The following SLC37A3 variants were observed in gnomAD, a reference collection of about 807,000 sequenced individuals.
The protein encoded by SLC37A3 is solute carrier family 37 member 3.
Under a neutral mutation model 67.1 loss-of-function variants are expected in SLC37A3, and 51 were observed. That is an observed-to-expected ratio of 0.76 (90% CI 0.61 to 0.96). The LOEUF (loss-of-function observed/expected upper bound fraction) is 0.96. Ranked by LOEUF, SLC37A3 falls within the 40% of genes least tolerant of loss-of-function variation. SLC37A3 has a pLI of 0.00. For synonymous variants in SLC37A3, 214 were observed against 231.4 expected (o/e 0.92, Z 0.68); for missense variants, 508 against 603.0 (o/e 0.84, Z 1.65).
chr7:140,351,754 A>C (rs1796812504), intron 8 of SLC37A3: 2 of 558,428 alleles, frequency 3.6e-6, no homozygotes, highest in Non-Finnish European at 6.4e-6. Flanking sequence ...GAAATGTTTC[A>C]AGAAGTGAAA....
chr7:140,351,266 T>A lies in SLC37A3; in HGVS notation c.882+7A>T. The A allele has an allele frequency of 6.2e-7, 1 of 1,613,086 alleles. No homozygotes were observed. Among genetic ancestry groups the A allele is most frequent in the Non-Finnish European group, 8.5e-7 (1 of 1,179,338 alleles). ...CCTGGCTGTGGTAAGATGTAAGCGG[T>A]CCTTACCGGTATGACTCCAGGAAGG... On this transcript the variant is annotated splice_region_variant and intron_variant, in intron 9 of 14. Coordinates refer to ENST00000326232, the MANE Select transcript of SLC37A3 (RefSeq NM_207113.3).
At chr7:140,344,919 C>T (rs1190094276) in intron 12 of SLC37A3, among the ~76,000 whole-genome samples, 1 of 152,020 alleles carries the variant, frequency 6.6e-6, no homozygotes, top group Admixed American at 6.6e-5. Context: ...AATTGGTCTC[C>T]CATGTGGCAT....
intron 3 of SLC37A3, among the ~76,000 whole-genome samples, chr7:140,374,507 A>G (rs397889238): frequency 6.6e-6 from 1 of 150,958 alleles, no homozygotes; most frequent in African/African-American, 2.4e-5. Flanking sequence ...AAAAAAAAAA[A>G]AAAAAATGAA....
intron 4 of SLC37A3, among the ~76,000 whole-genome samples, chr7:140,366,742 C>T (rs928092131): frequency 1.3e-5 from 2 of 152,088 alleles, no homozygotes; most frequent in African/African-American, 2.4e-5. Flanking sequence ...GGATTTTATA[C>T]AGAAAATACC....
intron 9 of SLC37A3, among the ~76,000 whole-genome samples, chr7:140,349,623 T>G (rs1484124236): frequency 6.6e-6 from 1 of 152,136 alleles, no homozygotes; most frequent in African/African-American, 2.4e-5. Context: ...TCCCTAGGTA[T>G]CACTTGTTTT....
intron 7 of SLC37A3, 35 bp downstream of exon 7, chr7:140,355,633 G>A: frequency 6.4e-7 from 1 of 1,554,578 alleles, no homozygotes; most frequent in South Asian, 1.1e-5. Flanking sequence ...CACAGAGAGA[G>A]AGAGAGAGCA....
intron 1 of SLC37A3, among the ~76,000 whole-genome samples, chr7:140,383,373 A>G (rs1798331446): frequency 6.6e-6 from 1 of 152,142 alleles, no homozygotes; most frequent in South Asian, 2.1e-4. Context: ...GGAGAGGCTG[A>G]GACAGGAAGA....
intron 5 of SLC37A3, among the ~76,000 whole-genome samples, chr7:140,362,368 G>C (rs1483673803): frequency 6.8e-6 from 1 of 146,254 alleles, no homozygotes; most frequent in African/African-American, 2.5e-5. Context: ...CACCCCGTCT[G>C]GGAAGTGAGG....
Position 140,380,397 on chromosome 7 carries a change from A to G in SLC37A3, c.90-7T>C, listed in dbSNP as rs761644414. On this transcript the variant is annotated splice_region_variant and splice_polypyrimidine_tract_variant and intron_variant, in intron 2 of 14. Coordinates refer to ENST00000326232, the MANE Select transcript of SLC37A3 (RefSeq NM_207113.3). ...AGCATGGAGCAACGAATAACTACAA[A>G]ATAGAGAGAATACAGATGAATGAAT... 3 of 1,578,220 alleles carry G rather than the reference A, an allele frequency of 1.9e-6. No individual in the cohort carries two copies. Among genetic ancestry groups the G allele is most frequent in the Non-Finnish European group, 2.6e-6 (3 of 1,148,148 alleles).
chr7:140,349,275 T>C (rs1022395419), intron 9 of SLC37A3, among the ~76,000 whole-genome samples: 4 of 152,190 alleles, frequency 2.6e-5, no homozygotes, highest in African/African-American at 9.7e-5. Context: ...GGGACTACAC[T>C]ACAGTTCCAC....
At chr7:140,375,410 G>C (rs1486005075) in intron 3 of SLC37A3, among the ~76,000 whole-genome samples, 1 of 150,518 alleles carries the variant, frequency 6.6e-6, no homozygotes, top group Non-Finnish European at 1.5e-5. Context: ...GGGAGGCGGA[G>C]GTTGCAGTGA....
In SLC37A3 at chr7:140,358,813, T is replaced by C. The variant is rs201353721; in HGVS notation, c.376-28A>G. ...TGAAGAGGAGGAAACAAAAGGAATA[T>C]GTAACAGCCACACTGACACTTTCAG... On this transcript the variant is annotated intron_variant, in intron 5 of 14. Transcript: ENST00000326232. 5,876 of 1,613,054 alleles carry C rather than the reference T, an allele frequency of 3.6e-3. 19 individuals are homozygous for C. The highest frequency in any genetic ancestry group is 6.1e-3 in the Middle Eastern group (37 of 6,050).
At position 140,382,461 on chromosome 7, in the gene SLC37A3, T is replaced by A; in HGVS notation, c.66A>T (p.Val22=). 2 of 1,614,088 alleles carry A rather than the reference T, an allele frequency of 1.2e-6. No homozygotes were observed. Among genetic ancestry groups the A allele is most frequent in the Non-Finnish European group, 1.7e-6 (2 of 1,179,984 alleles). The change falls in exon 2 of 15, where the codon GTA becomes GTT. Residue 22 remains valine (V), a synonymous_variant. Transcript: ENST00000326232. ...LLSQFSHHHV[V]VFLLTFFSYS... ...ACCTGAAGAAAGTGAGCAGGAACAC[T>A]ACAACATGATGATGGCTGAACTGGG...
At chr7:140,353,260 A>G (rs771727837) in intron 7 of SLC37A3, among the ~76,000 whole-genome samples, 1 of 152,076 alleles carries the variant, frequency 6.6e-6, no homozygotes, top group Non-Finnish European at 1.5e-5. Context: ...AGGTGGGCGG[A>G]TCACCTGAGG....
At chr7:140,351,505 C>A in intron 8 of SLC37A3, 54 bp from the exon 9 acceptor site, 1 of 1,531,142 alleles carries the variant, frequency 6.5e-7, no homozygotes, top group South Asian at 1.2e-5. Flanking sequence ...GTGTGAAGGG[C>A]TCTGCATACA....
chr7:140,360,525 G>A (rs764920112), intron 5 of SLC37A3, among the ~76,000 whole-genome samples: 1 of 151,964 alleles, frequency 6.6e-6, no homozygotes, highest in Non-Finnish European at 1.5e-5. Flanking sequence ...CCTGAGGTCA[G>A]GAGTTCAAGA....
rs1563027161 is a variant in SLC37A3 at position 140,361,496 on chromosome 7, TCCCC to T, written c.376-2715_376-2712del. ...AAACTCCGGACACACAGCCTCTCCCTCCCCCTCCCCCTCCCCCTCCCCCTCCCCC... is the reference window on the plus strand; with the variant it reads ...AAACTCCGGACACACAGCCTCTCCCTCTCCCCCTCCCCCTCCCCCTCCCCC... On this transcript the variant is annotated intron_variant, in intron 5 of 14. Transcript: ENST00000326232. Among the ~76,000 whole-genome samples, 68 of 38,852 alleles carry T rather than the reference TCCCC, an allele frequency of 1.8e-3. 3 individuals are homozygous for T. Among genetic ancestry groups the T allele is most frequent in the African/African-American group, 5.4e-3 (34 of 6,326 alleles). 25.5% of individuals were successfully genotyped at this position (38,852 alleles called of 152,430 possible). A position where few individuals can be genotyped will look rare whatever the true frequency, so the allele number is the denominator to read the frequency against.
intron 1 of SLC37A3, among the ~76,000 whole-genome samples, chr7:140,385,470 G>A (rs1798413139): frequency 6.6e-6 from 1 of 152,082 alleles, no homozygotes; most frequent in South Asian, 2.1e-4. Flanking sequence ...TCTTTGAACT[G>A]GACACCTTCC....
In SLC37A3 at chr7:140,334,606, G is replaced by A. The variant is rs114389520; in HGVS notation, c.*806C>T. On this transcript the variant is annotated 3_prime_UTR_variant, in exon 15 of 15. Coordinates refer to ENST00000326232, the MANE Select transcript of SLC37A3 (RefSeq NM_207113.3). ...GGAGTGCTTCGGCTGTGAGTTACACGTCGGAATGTTCAAGATAAATGATGT... is the reference window on the plus strand; with the variant it reads ...GGAGTGCTTCGGCTGTGAGTTACACATCGGAATGTTCAAGATAAATGATGT... The A allele has an allele frequency of 2.6e-5, 4 of 152,644 alleles. No individual in the cohort carries two copies. Among genetic ancestry groups the A allele is most frequent in the East Asian group, 1.9e-4 (1 of 5,200 alleles). 9.5% of individuals were successfully genotyped at this position (152,644 alleles called of 1,614,324 possible). A position where few individuals can be genotyped will look rare whatever the true frequency, so the allele number is the denominator to read the frequency against.
Sources: allele counts gnomAD v4.1 joint callset (sites outside exome capture counted in the v4.1 genomes callset), GRCh38; gene constraint gnomAD v4.1.1; transcripts MANE v1.5; gene names NCBI Gene and HGNC (gene_info 2026-07-23, HGNC 2026-07-21).